Variants in ABLIM2 observed in about 807,000 individuals in gnomAD.
The protein encoded by ABLIM2 is actin-binding LIM protein 2.
In ABLIM2, 53 loss-of-function variants were observed where a neutral mutation model predicts 97.7. The observed-to-expected ratio is 0.54, with a 90% CI of 0.44 to 0.68. The LOEUF (loss-of-function observed/expected upper bound fraction) is 0.68. Among genes scored for constraint, ABLIM2 ranks in the 30% least tolerant of loss-of-function variants. The pLI is 0.00. For synonymous variants in ABLIM2, 361 were observed against 345.8 expected, an observed-to-expected ratio of 1.04 and a Z score of -0.49; for missense variants, 835 against 867.2, an observed-to-expected ratio of 0.96 and a Z score of 0.47.
Position 7,998,810 on chromosome 4 carries a change from C to T in ABLIM2, c.1619-5883G>A, listed in dbSNP as rs567084140. Among the ~76,000 whole-genome samples the T allele has an allele frequency of 2.0e-5, 3 of 152,168 alleles. No homozygotes were observed. The highest frequency in any genetic ancestry group is 4.4e-5 in the Non-Finnish European group (3 of 68,030). Reference sequence around the variant, plus strand: ...GCAGGGCTGCTGTCCCTTGAGGTCCCGAGGCTGCCTCGCCAGGCCACTTTG... The same window carrying T: ...GCAGGGCTGCTGTCCCTTGAGGTCCTGAGGCTGCCTCGCCAGGCCACTTTG... On this transcript the variant is annotated intron_variant, in intron 16 of 20. Transcript: ENST00000447017. The surrounding 1 kb of genome is among the most constrained non-coding windows in gnomAD (Gnocchi z 6.4).
At chr4:8,152,202 C>G (rs1229565325) in intron 1 of ABLIM2, among the ~76,000 whole-genome samples, 1 of 152,202 alleles carries the variant, frequency 6.6e-6, no homozygotes, top group Non-Finnish European at 1.5e-5. Context: ...GCAACCAATC[C>G]CCCACAGCCA....
chr4:8,024,453 C>T (rs1186177014), intron 12 of ABLIM2, among the ~76,000 whole-genome samples: 2 of 152,184 alleles, frequency 1.3e-5, no homozygotes, highest in Non-Finnish European at 2.9e-5. Flanking sequence ...CGCCCCCGTA[C>T]AGTGCCGTCC....
chr4:8,060,556 T>G (rs926956860), intron 7 of ABLIM2, among the ~76,000 whole-genome samples: 5 of 152,278 alleles, frequency 3.3e-5, no homozygotes, highest in Middle Eastern at 3.4e-3. Context: ...TGCAGCAGGC[T>G]GGGGTGGCTG....
chr4:8,036,013 G>A, intron 10 of ABLIM2, 136 bp downstream of exon 10: 2 of 1,095,166 alleles, frequency 1.8e-6, no homozygotes, highest in Non-Finnish European at 1.3e-6. Flanking sequence ...TGGGCGTGAA[G>A]AGGCTGAGCG....
rs1712327671 is a variant in ABLIM2 at position 8,150,594 on chromosome 4, G to C, written c.10+8086C>G. Among the ~76,000 whole-genome samples the C allele has an allele frequency of 2.0e-5, 3 of 152,348 alleles. No individual in the cohort carries two copies. In the South Asian group the frequency reaches 6.2e-4, roughly 32 times the overall value. ...CAAAGTCCCAAACTTCCAGCACAGG[G>C]TGCGAGCTCCGTGCCGGAGGCGGGA... On this transcript the variant is annotated intron_variant, in intron 1 of 20. Coordinates refer to ENST00000447017, the MANE Select transcript of ABLIM2 (RefSeq NM_001130083.2). This position sits in a 1 kb window ranked among gnomAD's most constrained non-coding sequence, Gnocchi z 6.3.
chr4:8,007,878 A>C lies in ABLIM2; in HGVS notation c.1618+181T>G. ...ACTGGCTCGGGGACAGTTCTTGGGA[A>C]GCCGGCAAACTGCAAAAGCCCCATA... On this transcript the variant is annotated intron_variant, in intron 16 of 20. Coordinates refer to ENST00000447017, the MANE Select transcript of ABLIM2 (RefSeq NM_001130083.2). 4.3e-6 allele frequency: 6 copies of C among 1,400,230 alleles called. No homozygotes were observed. The South Asian group carries it at 6.9e-5, about 16-fold the overall frequency. The allele number at this position is 1,400,230 out of a possible 1,614,324, so 86.7% of individuals were successfully genotyped here. A position where few individuals can be genotyped will look rare whatever the true frequency, so the allele number is the denominator to read the frequency against.
chr4:8,045,134 C>T (rs746874056), intron 9 of ABLIM2, 30 bp downstream of exon 9: 130 of 1,602,748 alleles, frequency 8.1e-5, no homozygotes, highest in Admixed American at 1.0e-4. Flanking sequence ...ACCCTCCCAC[C>T]GCCGTCCCCA....
At chr4:7,969,783 G>C (rs1434667886) in intron 20 of ABLIM2, among the ~76,000 whole-genome samples, 1 of 118,982 alleles carries the variant, frequency 8.4e-6, no homozygotes, top group African/African-American at 3.0e-5. Flanking sequence ...TATCCAGCAA[G>C]TCTGCCAGGA....
intron 9 of ABLIM2, among the ~76,000 whole-genome samples, chr4:8,040,181 G>T (rs978981123): frequency 3.9e-5 from 6 of 152,202 alleles, no homozygotes; most frequent in African/African-American, 1.2e-4. Context: ...CAGCAGGCAG[G>T]GGTGGGCAGC....
chr4:8,117,067 C>T (rs1843093141), intron 1 of ABLIM2, among the ~76,000 whole-genome samples: 1 of 152,238 alleles, frequency 6.6e-6, no homozygotes, highest in Non-Finnish European at 1.5e-5. Flanking sequence ...GTCACTTTCT[C>T]CACAGCCAAA....
At chr4:8,014,840 C>T (rs1185071343) in intron 14 of ABLIM2, among the ~76,000 whole-genome samples, 2 of 152,140 alleles carry the variant, frequency 1.3e-5, no homozygotes, top group Admixed American at 6.5e-5. Context: ...CCTGCAGTCT[C>T]GGCCCCAGCC....
chr4:8,129,271 G>GA lies in ABLIM2; in HGVS notation c.11-22635_11-22634insT, dbSNP rs1561601441. Among the ~76,000 whole-genome samples, 4 of 152,020 alleles carry GA rather than the reference G, an allele frequency of 2.6e-5. No homozygotes were observed. The East Asian group carries it at 7.7e-4, about 29-fold the overall frequency. On this transcript the variant is annotated intron_variant, in intron 1 of 20. Transcript: ENST00000447017. ...TAAAAAGCAGAAATACGTATGCCCC[G>GA]CCCCCTCTGTGACTCACTCAAATCC... is the stretch of plus-strand genomic sequence containing the variant.
chr4:8,007,939 G>T (rs1234532193), intron 16 of ABLIM2, 120 bp downstream of exon 16: 1 of 1,495,998 alleles, frequency 6.7e-7, no homozygotes. Flanking sequence ...TGTGGGCTTT[G>T]CTTTCATGCT....
At chr4:8,007,872 T>A in intron 16 of ABLIM2, 187 bp downstream of exon 16, 1 of 1,401,256 alleles carries the variant, frequency 7.1e-7, no homozygotes, top group Non-Finnish European at 9.2e-7. Context: ...GGGACAGTTC[T>A]TGGGAAGCCG....
At chr4:8,106,414 CAGG>C (rs1472491764) in intron 2 of ABLIM2, 77 bp downstream of exon 2, 6 of 1,540,896 alleles carry the variant, frequency 3.9e-6, no homozygotes, top group Non-Finnish European at 4.4e-6. Context: ...CAGAGCTTCC[CAGG>C]AGGCTTTGCG....
Position 8,029,684 on chromosome 4 carries a change from T to C in ABLIM2, c.1140A>G (p.Ser380=), listed in dbSNP as rs200214592. 4.3e-5 allele frequency: 67 copies of C among 1,548,586 alleles called. No individual in the cohort carries two copies. The East Asian group carries it at 1.5e-3, about 36-fold the overall frequency. The part of the protein sequence containing the change: ...SVSLGRYTPT[S]RSPQHYSRPA... ...GACGGCTGTAGTGCTGTGGTGACCG[T>C]GAGGTCGGAGTGTAGCGCCCGAGGC... Residue 380 remains serine, a synonymous_variant, in exon 11 of 21, where the codon TCA becomes TCG. Transcript: ENST00000447017.
chr4:7,979,265 C>A (rs1231054002), intron 20 of ABLIM2, among the ~76,000 whole-genome samples: 1 of 152,260 alleles, frequency 6.6e-6, no homozygotes, highest in Non-Finnish European at 1.5e-5. Context: ...AGCACGATCC[C>A]CACACATCTG....
intron 11 of ABLIM2, among the ~76,000 whole-genome samples, chr4:8,029,073 G>A (rs760547818): frequency 7.4e-5 from 11 of 149,462 alleles, no homozygotes; most frequent in Admixed American, 2.0e-4. Context: ...ACAGCTGGGC[G>A]CCAGGCAGGG....
chr4:8,158,370 C>T (rs945715453), intron 1 of ABLIM2, among the ~76,000 whole-genome samples: 2 of 152,194 alleles, frequency 1.3e-5, no homozygotes, highest in African/African-American at 4.8e-5. Flanking sequence ...CCGCTTTCTG[C>T]AGCCTGGAAC....
Sources: allele counts gnomAD v4.1 joint callset (sites outside exome capture counted in the v4.1 genomes callset), GRCh38; gene constraint gnomAD v4.1.1; non-coding constraint Gnocchi (gnomAD v3.1); transcripts MANE v1.5; gene names NCBI Gene and HGNC (gene_info 2026-07-23, HGNC 2026-07-21).